The following GABBR2 variants were observed in gnomAD, a reference collection of about 807,000 sequenced individuals.
GABBR2 encodes the protein gamma-aminobutyric acid type B receptor subunit 2, also known as G-protein coupled receptor 51.
In GABBR2, 23 loss-of-function variants were observed where a neutral mutation model predicts 105.6. That is an observed-to-expected ratio of 0.22 (90% CI 0.16 to 0.31). The LOEUF (loss-of-function observed/expected upper bound fraction) is 0.31, where lower values mean the gene tolerates loss of function less well. Among genes scored for constraint, GABBR2 ranks in the 10% least tolerant of loss-of-function variants. The probability of loss-of-function intolerance (pLI) is 1.00; values close to 1 mark genes in which losing one functional copy is unlikely to be tolerated. For missense variants in GABBR2, 734 were observed against 1,245.5 expected (o/e 0.59, Z 6.18); for synonymous variants, 478 against 499.7 (o/e 0.96, Z 0.58).
At chr9:98,648,123 A>AGATT (rs1176555919) in intron 1 of GABBR2, among the ~76,000 whole-genome samples, 18 of 52,814 alleles carry the variant, frequency 3.4e-4, no homozygotes, top group Non-Finnish European at 6.2e-4. Flanking sequence ...GTGTATAGAT[A>AGATT]GATAGATAGA....
chr9:98,411,032 T>A (rs1489402995), intron 7 of GABBR2, among the ~76,000 whole-genome samples: 1 of 152,154 alleles, frequency 6.6e-6, no homozygotes, highest in Middle Eastern at 3.2e-3. Context: ...CTCCACTGGA[T>A]GGTGATTGAT....
intron 1 of GABBR2, among the ~76,000 whole-genome samples, chr9:98,630,930 C>A (rs1829808431): frequency 6.6e-6 from 1 of 152,180 alleles, no homozygotes; most frequent in Admixed American, 6.5e-5. Context: ...TTCGTTATTA[C>A]ACTAACCCCA....
chr9:98,310,318 G>C (rs28636819), intron 14 of GABBR2, among the ~76,000 whole-genome samples: 10,156 of 151,672 alleles, frequency 0.067, 479 homozygotes, highest in East Asian at 0.19. Context: ...GCCTGATCTC[G>C]GCCCACCGCA....
chr9:98,384,159 T>G lies in GABBR2; in HGVS notation c.1662+1481A>C, dbSNP rs1832030079. On this transcript the variant is annotated intron_variant, in intron 11 of 18. Transcript: ENST00000259455. The stretch of plus-strand genomic sequence containing the variant: ...CCAGGCAGGGGACTGGATGAATTAC[T>G]GCATGTGGGACTCTAAAGAGACCCA... Among the ~76,000 whole-genome samples the G allele has an allele frequency of 2.0e-5, 3 of 152,214 alleles. No individual in the cohort carries two copies. The South Asian group carries it at 6.2e-4, about 32-fold the overall frequency.
intron 1 of GABBR2, among the ~76,000 whole-genome samples, chr9:98,678,629 T>C (rs1830504026): frequency 6.6e-6 from 1 of 152,160 alleles, no homozygotes; most frequent in South Asian, 2.1e-4. Context: ...ATGAAATGTC[T>C]CCTCACATTT....
At chr9:98,659,868 TA>T (rs573019933) in intron 1 of GABBR2, among the ~76,000 whole-genome samples, 101 of 147,130 alleles carry the variant, frequency 6.9e-4, no homozygotes, top group East Asian at 4.1e-3. Context: ...CTTGCAGGCT[TA>T]AAAAAAAAAA....
chr9:98,521,358 C>T (rs1383171346), intron 3 of GABBR2, among the ~76,000 whole-genome samples: 1 of 152,120 alleles, frequency 6.6e-6, no homozygotes, highest in Non-Finnish European at 1.5e-5. Context: ...GACCTCACAG[C>T]CTCTGATGGG....
Position 98,473,174 on chromosome 9 carries a change from G to A in GABBR2, c.971C>T (p.Ser324Phe). 1.2e-6 allele frequency: 2 copies of A among 1,613,762 alleles called. No individual in the cohort carries two copies. Among genetic ancestry groups the A allele is most frequent in the Non-Finnish European group, 1.7e-6 (2 of 1,179,890 alleles). Residue 324 changes from serine (S) to phenylalanine (F), a missense_variant, in exon 6 of 19, where the codon TCC (serine) becomes TTC (phenylalanine). Physicochemically the swap from Ser to Phe is radical, Grantham distance 155. Coordinates refer to ENST00000259455, the MANE Select transcript of GABBR2 (RefSeq NM_005458.8). ...TCCTGAGATGGTCTTGATCTGCTTG[G>A]AGCTCAGGGGCTCGAAATCCACGCC... is the stretch of plus-strand genomic sequence containing the variant. ...YIGVDFEPLS[S>F]KQIKTISGKT...
chr9:98,706,195 C>T (rs979352737), intron 1 of GABBR2, among the ~76,000 whole-genome samples: 1 of 151,856 alleles, frequency 6.6e-6, no homozygotes, highest in African/African-American at 2.4e-5. Context: ...AGAGCACTGG[C>T]CGCTGAGCCT....
chr9:98,398,080 A>C (rs1038507852), intron 8 of GABBR2, among the ~76,000 whole-genome samples: 3 of 152,162 alleles, frequency 2.0e-5, no homozygotes, highest in African/African-American at 7.2e-5. Flanking sequence ...CTATATGTGG[A>C]TATGTCTATA....
intron 13 of GABBR2, among the ~76,000 whole-genome samples, chr9:98,348,987 C>T (rs12340587): frequency 0.077 from 11,740 of 152,172 alleles, 576 homozygotes; most frequent in African/African-American, 0.13. Flanking sequence ...TGAAAGTGAG[C>T]ATCCTTGTCT....
chr9:98,429,450 T>C (rs1314090876), intron 7 of GABBR2, among the ~76,000 whole-genome samples: 1 of 152,066 alleles, frequency 6.6e-6, no homozygotes, highest in East Asian at 1.9e-4. Context: ...CGGATTTTGG[T>C]ATATATTTTT....
intron 13 of GABBR2, among the ~76,000 whole-genome samples, chr9:98,315,385 C>T (rs939125155): frequency 6.6e-6 from 1 of 152,194 alleles, no homozygotes; most frequent in Admixed American, 6.5e-5. Context: ...TCATGCAGCC[C>T]CATCTCCCTG....
chr9:98,338,142 A>C (rs1014333134), intron 13 of GABBR2, among the ~76,000 whole-genome samples: 3 of 152,248 alleles, frequency 2.0e-5, no homozygotes, highest in Admixed American at 2.0e-4. Flanking sequence ...CAAATACCTA[A>C]ATGTAAGAAC....
chr9:98,679,576 G>A (rs1830515325), intron 1 of GABBR2, among the ~76,000 whole-genome samples: 1 of 152,194 alleles, frequency 6.6e-6, no homozygotes, highest in Non-Finnish European at 1.5e-5. Context: ...ATAGCCTTCA[G>A]GACACACTAT....
intron 3 of GABBR2, among the ~76,000 whole-genome samples, chr9:98,514,759 C>G (rs1187098564): frequency 6.6e-6 from 1 of 151,992 alleles, no homozygotes; most frequent in Non-Finnish European, 1.5e-5. Flanking sequence ...TGTAACAAAT[C>G]TGCACGTTGT....
chr9:98,381,658 T>G (rs909428836), intron 11 of GABBR2, among the ~76,000 whole-genome samples: 1 of 152,210 alleles, frequency 6.6e-6, no homozygotes, highest in Non-Finnish European at 1.5e-5. Context: ...CAGTCATGCA[T>G]GTGGACTCCC....
intron 6 of GABBR2, among the ~76,000 whole-genome samples, chr9:98,470,085 A>G (rs1357091563): frequency 2.0e-5 from 3 of 152,208 alleles, no homozygotes; most frequent in Non-Finnish European, 4.4e-5. Flanking sequence ...CCCTCTAGAG[A>G]GAATGTTCAA....
At chr9:98,303,463 C>A (rs1431034761) in intron 15 of GABBR2, 40 bp from the exon 16 acceptor site, 2 of 1,558,710 alleles carry the variant, frequency 1.3e-6, no homozygotes, top group Non-Finnish European at 1.8e-6. Flanking sequence ...AAGAGAGAGC[C>A]TTGAGTCCTT....
Sources: gnomAD v4.1 joint callset for allele counts (sites outside exome capture counted in the v4.1 genomes callset) on GRCh38, gnomAD v4.1.1 for gene constraint, MANE v1.5 for transcripts, NCBI Gene and HGNC (gene_info 2026-07-23, HGNC 2026-07-21) for gene names.